Variants in PSD2 observed in about 807,000 individuals in gnomAD.
PSD2 encodes pleckstrin and Sec7 domain containing 2.
PSD2 carries 38 observed loss-of-function variants against 69.8 expected under a neutral mutation model. The ratio of observed to expected loss-of-function variants is 0.54; its 90% CI spans 0.42 to 0.71. The LOEUF is 0.71. PSD2 is among the 30% of genes least tolerant of loss of function. The pLI is 0.00. For missense variants in PSD2, 943 were observed against 1,014.5 expected (o/e 0.93, Z 0.96); for synonymous variants, 412 against 423.0 (o/e 0.97, Z 0.32).
At chr5:139,801,066 A>G (rs1216080736) in intron 1 of PSD2, among the ~76,000 whole-genome samples, 3 of 151,968 alleles carry the variant, frequency 2.0e-5, no homozygotes, top group African/African-American at 4.8e-5. Context: ...TTAACCAGGC[A>G]TGGTGGTGGG....
At position 139,803,537 on chromosome 5, in the gene PSD2, C is replaced by T. The variant is rs75522412; in HGVS notation, c.-50-5854C>T. On this transcript the variant is annotated intron_variant, in intron 1 of 14. Coordinates refer to ENST00000274710, the MANE Select transcript of PSD2 (RefSeq NM_032289.4). ...ACCCCCCATTTATGGAGGAGGACAC[C>T]GAGCTCAGATAGACAGGCAGTTTTC... Among the ~76,000 whole-genome samples the T allele has an allele frequency of 4.1e-3, 617 of 152,266 alleles. 1 individual carries two copies. Among genetic ancestry groups the T allele is most frequent in the African/African-American group, 0.013 (548 of 41,538 alleles).
the PSD2 span, among the ~76,000 whole-genome samples, chr5:139,746,798 C>T: frequency 6.6e-6 from 1 of 152,198 alleles, no homozygotes; most frequent in African/African-American, 2.4e-5. This position sits in a 1 kb window ranked among gnomAD's most constrained non-coding sequence, Gnocchi z 4.5. Flanking sequence ...CCGGGGAAGC[C>T]GAGGCGGGCA....
chr5:139,755,948 G>A, the PSD2 span, among the ~76,000 whole-genome samples: 4 of 152,164 alleles, frequency 2.6e-5, no homozygotes, highest in Admixed American at 2.6e-4. Flanking sequence ...GATGAAAATA[G>A]ACTATTAAAG....
upstream of PSD2, among the ~76,000 whole-genome samples, chr5:139,791,427 AAAAC>A (rs1759413748): frequency 6.6e-6 from 1 of 152,142 alleles, no homozygotes; most frequent in Non-Finnish European, 1.5e-5. Flanking sequence ...CTCTAAAAGA[AAAAC>A]AAAAAACAAA....
At chr5:139,820,356 G>A (rs1760227534) in intron 5 of PSD2, among the ~76,000 whole-genome samples, 1 of 137,158 alleles carries the variant, frequency 7.3e-6, no homozygotes, top group Non-Finnish European at 1.5e-5. Context: ...GGGACAGATG[G>A]GAGAAGAGAA....
chr5:139,842,191 A>T (rs1223592840), intron 14 of PSD2, 80 bp from the exon 15 acceptor site: 2 of 1,160,342 alleles, frequency 1.7e-6, no homozygotes, highest in African/African-American at 3.1e-5. Context: ...TATTAAGGAA[A>T]TTAGTCTTTT....
intron 2 of PSD2, among the ~76,000 whole-genome samples, chr5:139,810,812 T>C (rs1337726598): frequency 6.6e-6 from 1 of 152,060 alleles, no homozygotes; most frequent in Non-Finnish European, 1.5e-5. Context: ...GGCAGGGGAC[T>C]GGGGCTTCTT....
At chr5:139,766,784 A>C in the PSD2 span, among the ~76,000 whole-genome samples, 356 of 152,098 alleles carry the variant, frequency 2.3e-3, 4 homozygotes, top group South Asian at 0.022. Context: ...TAAGGTGATA[A>C]AGAGCACTGA....
At chr5:139,762,200 GC>G in the PSD2 span, among the ~76,000 whole-genome samples, 2 of 151,818 alleles carry the variant, frequency 1.3e-5, no homozygotes, top group Non-Finnish European at 2.9e-5. Flanking sequence ...GCACCACCAT[GC>G]CTGGCTAATT....
the PSD2 span, among the ~76,000 whole-genome samples, chr5:139,766,930 C>CTTCTTTCT: frequency 0.016 from 717 of 43,980 alleles, 12 homozygotes; most frequent in Middle Eastern, 0.047. Flanking sequence ...CCTTCCTTCC[C>CTTCTTTCT]TTCTTTCTTT....
chr5:139,807,398 G>A (rs1047586630), intron 1 of PSD2, among the ~76,000 whole-genome samples: 3 of 132,084 alleles, frequency 2.3e-5, no homozygotes, highest in East Asian at 2.3e-4. Context: ...GTGACTTCTT[G>A]TTTCTCCTCC....
chr5:139,814,059 T>G lies in PSD2; in HGVS notation c.822-111T>G. ...CCGGCTGCAGTGGAGCTTCTTTCCC[T>G]GTTCTGGCCCCTACATGGTTTGCAG... On this transcript the variant is annotated intron_variant, in intron 3 of 14. Transcript: ENST00000274710. The surrounding 1 kb of genome is among the most constrained non-coding windows in gnomAD (Gnocchi z 4.4). 9.8e-7 allele frequency: 1 copy of G among 1,019,832 alleles called. No homozygotes were observed. The highest frequency in any genetic ancestry group is 1.5e-6 in the Non-Finnish European group (1 of 679,072). The allele number at this position is 1,019,832 out of a possible 1,614,324, so 63.2% of individuals were successfully genotyped here. A position where few individuals can be genotyped will look rare whatever the true frequency, so the allele number is the denominator to read the frequency against.
chr5:139,801,531 T>A (rs1581709131), intron 1 of PSD2, among the ~76,000 whole-genome samples: 1 of 152,076 alleles, frequency 6.6e-6, no homozygotes, highest in Non-Finnish European at 1.5e-5. Flanking sequence ...TGGTTCCTCT[T>A]CTCCCCCTCC....
chr5:139,783,917 C>T, the PSD2 span, among the ~76,000 whole-genome samples: 3 of 138,658 alleles, frequency 2.2e-5, no homozygotes, highest in Non-Finnish European at 3.1e-5. Flanking sequence ...TGTTTCTCCC[C>T]TTTCCCCTTT....
At chr5:139,816,011 A>G (rs995443999) in intron 4 of PSD2, among the ~76,000 whole-genome samples, 26 of 151,392 alleles carry the variant, frequency 1.7e-4, no homozygotes, top group South Asian at 4.2e-4. Context: ...AAAAAAAAAA[A>G]AAAAAGAAAA....
chr5:139,766,841 TTCTTTCTTTCTTTC>T, the PSD2 span, among the ~76,000 whole-genome samples: 4 of 143,806 alleles, frequency 2.8e-5, no homozygotes, highest in Non-Finnish European at 4.6e-5. Context: ...CTTTCTTTCT[TTCTTTCTTTCTTTC>T]TTTCTTTCTT....
At position 139,837,487 on chromosome 5, in the gene PSD2, T is replaced by C. The variant is rs1315376522; in HGVS notation, c.1666-138T>C. 4.2e-6 allele frequency: 4 copies of C among 957,428 alleles called. No homozygotes were observed. In the East Asian group the frequency reaches 1.0e-4, roughly 24 times the overall value. 59.3% of individuals were successfully genotyped at this position (957,428 alleles called of 1,614,324 possible). On this transcript the variant is annotated intron_variant, in intron 11 of 14. Coordinates refer to ENST00000274710, the MANE Select transcript of PSD2 (RefSeq NM_032289.4). The surrounding 1 kb of genome is among the most constrained non-coding windows in gnomAD (Gnocchi z 5.0). ...AAACTGGGGTAAGGGGAGGAGTACCTGGATTCTTGTTGGGGTGGGTGAGGC... is the reference window on the plus strand; with the variant it reads ...AAACTGGGGTAAGGGGAGGAGTACCCGGATTCTTGTTGGGGTGGGTGAGGC...
At chr5:139,782,499 T>G in the PSD2 span, among the ~76,000 whole-genome samples, 2 of 148,402 alleles carry the variant, frequency 1.3e-5, no homozygotes, top group East Asian at 2.0e-4. Context: ...AGTTTTTTTT[T>G]TTTTTTTTTT....
At chr5:139,835,488 G>T (rs1000320911) in intron 8 of PSD2, among the ~76,000 whole-genome samples, 1 of 152,166 alleles carries the variant, frequency 6.6e-6, no homozygotes, top group Non-Finnish European at 1.5e-5. Context: ...ACCTTGTGAA[G>T]CTTACAGTCT....
Sources: allele counts gnomAD v4.1 joint callset (sites outside exome capture counted in the v4.1 genomes callset), GRCh38; gene constraint gnomAD v4.1.1; non-coding constraint Gnocchi (gnomAD v3.1); transcripts MANE v1.5; gene names NCBI Gene and HGNC (gene_info 2026-07-23, HGNC 2026-07-21).